Variants in GRB10 observed in about 807,000 individuals in gnomAD.
GRB10 encodes the protein growth factor receptor-bound protein 10.
Under a neutral mutation model 80.9 loss-of-function variants are expected in GRB10, and 20 were observed. That is an observed-to-expected ratio of 0.25 (90% confidence interval 0.17 to 0.36). The LOEUF is 0.36. GRB10 is among the 10% of genes least tolerant of loss of function. The pLI is 1.00. For synonymous variants in GRB10, 291 were observed against 291.5 expected (o/e 1.00, Z 0.02); for missense variants, 548 against 747.7 (o/e 0.73, Z 3.12).
At chr7:50,734,204 C>A (rs765971741) in intron 3 of GRB10, among the ~76,000 whole-genome samples, 4 of 152,112 alleles carry the variant, frequency 2.6e-5, no homozygotes, top group African/African-American at 7.2e-5. Flanking sequence ...ATGTCTCCTG[C>A]GGGCAGCCAG....
chr7:50,667,128 T>G (rs2059900010), intron 7 of GRB10, among the ~76,000 whole-genome samples: 1 of 152,120 alleles, frequency 6.6e-6, no homozygotes, highest in African/African-American at 2.4e-5. Flanking sequence ...CTACAAAGCT[T>G]GGGCAAGAAT....
chr7:50,654,814 C>T (rs190282019), intron 7 of GRB10, among the ~76,000 whole-genome samples: 7 of 152,274 alleles, frequency 4.6e-5, no homozygotes, highest in African/African-American at 1.7e-4. Context: ...TGCTAGATGG[C>T]TTTGTGTATA....
chr7:50,611,844 T>G (rs1233195579), intron 13 of GRB10, among the ~76,000 whole-genome samples: 3 of 152,192 alleles, frequency 2.0e-5, no homozygotes, highest in Non-Finnish European at 2.9e-5. Context: ...CCTAGACCAT[T>G]GTATCCATTG....
In GRB10 at chr7:50,736,741, G is replaced by A. The variant is rs536129476; in HGVS notation, c.-46-4373C>T. 1.4e-3 allele frequency among the ~76,000 whole-genome samples: 218 copies of A among 152,248 alleles called. 4 individuals carry two copies. The highest frequency in any genetic ancestry group is 1.7e-3 in the Admixed American group (26 of 15,300). ...GAGGATGCAGTGAGCTGTGATTAAC[G>A]CCACTACACTCCAGCCAGGGCAACA... On this transcript the variant is annotated intron_variant, in intron 3 of 18. Transcript: ENST00000401949.
At chr7:50,625,116 C>T (rs185087125) in intron 8 of GRB10, among the ~76,000 whole-genome samples, 7 of 152,098 alleles carry the variant, frequency 4.6e-5, no homozygotes, top group Admixed American at 3.9e-4. Flanking sequence ...TATTTATCTA[C>T]CATATGATAG....
chr7:50,632,071 T>C (rs2054102494), intron 7 of GRB10, among the ~76,000 whole-genome samples: 3 of 152,160 alleles, frequency 2.0e-5, no homozygotes. Context: ...GTAAATTACA[T>C]TTACTTCAGA....
intron 3 of GRB10, among the ~76,000 whole-genome samples, chr7:50,741,304 A>G (rs1483380365): frequency 6.6e-6 from 1 of 152,186 alleles, no homozygotes; most frequent in East Asian, 1.9e-4. Context: ...CATTTGCAAA[A>G]TTATTATTTT....
chr7:50,636,565 G>C (rs1483946244), intron 7 of GRB10, among the ~76,000 whole-genome samples: 1 of 152,148 alleles, frequency 6.6e-6, no homozygotes, highest in Non-Finnish European at 1.5e-5. Context: ...AGGGATGCAA[G>C]GATAGTTTGA....
intron 9 of GRB10, among the ~76,000 whole-genome samples, chr7:50,618,475 C>CT (rs1327256429): frequency 6.6e-6 from 1 of 152,202 alleles, no homozygotes; most frequent in Non-Finnish European, 1.5e-5. Flanking sequence ...ATTCCTGAAA[C>CT]TAAAAGGTAA....
At chr7:50,619,736 C>T (rs2051319416) in intron 8 of GRB10, among the ~76,000 whole-genome samples, 1 of 152,202 alleles carries the variant, frequency 6.6e-6, no homozygotes, top group Non-Finnish European at 1.5e-5. Flanking sequence ...TGACATCAAA[C>T]TTGGTTGCCA....
At chr7:50,792,042 TAAC>T (rs570901619) in intron 1 of GRB10, among the ~76,000 whole-genome samples, 225 of 152,342 alleles carry the variant, frequency 1.5e-3, no homozygotes, top group Non-Finnish European at 2.2e-3. Flanking sequence ...GTTGCTGCGC[TAAC>T]AACATGTGTT....
intron 5 of GRB10, among the ~76,000 whole-genome samples, chr7:50,694,812 C>T (rs1313343733): frequency 6.6e-6 from 1 of 152,022 alleles, no homozygotes; most frequent in Non-Finnish European, 1.5e-5. Flanking sequence ...TACTTTTTTT[C>T]CATTGTAAGA....
chr7:50,740,211 G>A (rs1587718907), intron 3 of GRB10, among the ~76,000 whole-genome samples: 2 of 152,084 alleles, frequency 1.3e-5, no homozygotes, highest in South Asian at 2.1e-4. Context: ...GATGACAGTC[G>A]CATGTCTGCC....
intron 15 of GRB10, chr7:50,605,000 T>C (rs897137078): frequency 9.3e-6 from 4 of 429,158 alleles, no homozygotes; most frequent in African/African-American, 7.9e-5. Context: ...CACTGCCAGT[T>C]CATCAGCAGA....
At chr7:50,622,941 C>T (rs1227519153) in intron 8 of GRB10, among the ~76,000 whole-genome samples, 1 of 152,134 alleles carries the variant, frequency 6.6e-6, no homozygotes, top group African/African-American at 2.4e-5. Context: ...CAGGCATGAG[C>T]CACTGTGCCT....
intron 5 of GRB10, among the ~76,000 whole-genome samples, chr7:50,679,527 GA>G (rs1193397844): frequency 6.6e-6 from 1 of 152,132 alleles, no homozygotes; most frequent in Non-Finnish European, 1.5e-5. Context: ...GCAACATAAG[GA>G]CATGTTATTT....
chr7:50,600,106 C>T (rs970654488), intron 17 of GRB10, among the ~76,000 whole-genome samples: 2 of 152,192 alleles, frequency 1.3e-5, no homozygotes, highest in African/African-American at 4.8e-5. Flanking sequence ...CGCTGCCTCC[C>T]ACACACGGCA....
chr7:50,638,086 A>G (rs1406106239), intron 7 of GRB10, among the ~76,000 whole-genome samples: 1 of 152,226 alleles, frequency 6.6e-6, no homozygotes, highest in Non-Finnish European at 1.5e-5. Context: ...TGTCTGAATG[A>G]AACTGGACCC....
intron 4 of GRB10, among the ~76,000 whole-genome samples, chr7:50,711,392 C>T (rs1587290914): frequency 6.6e-6 from 1 of 152,112 alleles, no homozygotes; most frequent in Admixed American, 6.5e-5. Flanking sequence ...TTCCCAAACC[C>T]CTCCTGCCCA....
Sources: gnomAD v4.1 joint callset for allele counts (sites outside exome capture counted in the v4.1 genomes callset) on GRCh38, gnomAD v4.1.1 for gene constraint, MANE v1.5 for transcripts, NCBI Gene and HGNC (gene_info 2026-07-23, HGNC 2026-07-21) for gene names.